The following TAB2 variants were observed in gnomAD, a reference collection of about 807,000 sequenced individuals.
TAB2 encodes the protein TGF-beta activated kinase 1 (MAP3K7) binding protein 2.
Under a neutral mutation model 65.0 loss-of-function variants are expected in TAB2, and 3 were observed. The observed-to-expected ratio is 0.05, with a 90% CI of 0.02 to 0.12. The LOEUF is 0.12. TAB2 is among the 10% of genes least tolerant of loss of function. The pLI is 1.00. For missense variants in TAB2, 623 were observed against 840.3 expected (o/e 0.74, Z 3.20); for synonymous variants, 298 against 285.1 (o/e 1.05, Z -0.46).
intron 1 of TAB2, among the ~76,000 whole-genome samples, chr6:149,306,375 CTAAAAAATA>C (rs368971618): frequency 0.032 from 4,789 of 151,952 alleles, 242 homozygotes; most frequent in African/African-American, 0.11. Context: ...CCCGTCTCCA[CTAAAAAATA>C]TAAAAAATAT....
At position 149,384,504 on chromosome 6, in the gene TAB2, G is replaced by A. The variant is rs553222144; in HGVS notation, c.1603+4986G>A. The stretch of plus-strand genomic sequence containing the variant: ...TCCTTAAGGTACTACAGGAATCAGA[G>A]ACAAAAGTGGAAAGAACAAATTAAG... On this transcript the variant is annotated intron_variant, in intron 3 of 6. Transcript: ENST00000637181. Among the ~76,000 whole-genome samples, 9 of 152,212 alleles carry A rather than the reference G, an allele frequency of 5.9e-5. No homozygotes were observed. In the South Asian group the frequency reaches 1.9e-3, roughly 32 times the overall value.
chr6:149,268,990 G>C (rs1778314004), intron 1 of TAB2, among the ~76,000 whole-genome samples: 1 of 152,166 alleles, frequency 6.6e-6, no homozygotes, highest in Non-Finnish European at 1.5e-5. Context: ...CAAAGTACAA[G>C]GGGCTCCTGC....
chr6:149,273,750 T>A (rs955189736), intron 1 of TAB2, among the ~76,000 whole-genome samples: 70 of 152,122 alleles, frequency 4.6e-4, no homozygotes, highest in Admixed American at 2.0e-4. Context: ...TTGTCTCTGG[T>A]CCCTCAGAAT....
chr6:149,246,138 C>G (rs188825811), intron 1 of TAB2: 1 of 152,292 alleles, frequency 6.6e-6, no homozygotes, highest in East Asian at 1.9e-4. Context: ...AGGATGGTCT[C>G]GATCTCTTGA....
intron 1 of TAB2, among the ~76,000 whole-genome samples, chr6:149,272,315 C>G (rs933408949): frequency 2.0e-5 from 3 of 152,148 alleles, no homozygotes; most frequent in African/African-American, 7.2e-5. Flanking sequence ...TTAGCACAAA[C>G]GTAGGGACTT....
upstream of TAB2, among the ~76,000 whole-genome samples, chr6:149,313,957 C>T (rs1171752121): frequency 6.6e-6 from 1 of 152,166 alleles, no homozygotes; most frequent in Non-Finnish European, 1.5e-5. Flanking sequence ...TTCCATCTTA[C>T]TATTAACCAG....
intron 6 of TAB2, among the ~76,000 whole-genome samples, chr6:149,406,592 AAAAG>A (rs1421587130): frequency 3.3e-5 from 5 of 152,354 alleles, no homozygotes; most frequent in East Asian, 1.9e-4. Flanking sequence ...CAGGAAAAGA[AAAAG>A]AAATGGGAAC....
chr6:149,368,996 T>C (rs1352430884), intron 1 of TAB2, among the ~76,000 whole-genome samples: 3 of 152,112 alleles, frequency 2.0e-5, no homozygotes, highest in African/African-American at 7.2e-5. Context: ...TAGACCTGTA[T>C]TTTTAGGCTT....
intron 1 of TAB2, among the ~76,000 whole-genome samples, chr6:149,237,737 G>A (rs1777521929): frequency 6.6e-6 from 1 of 152,170 alleles, no homozygotes; most frequent in Non-Finnish European, 1.5e-5. Flanking sequence ...ACTTTTGACA[G>A]CCAGTCCCCT....
At chr6:149,233,274 C>T (rs375541434) in intron 1 of TAB2, among the ~76,000 whole-genome samples, 4 of 152,128 alleles carry the variant, frequency 2.6e-5, no homozygotes, top group Non-Finnish European at 4.4e-5. Flanking sequence ...ATCCAGGGTC[C>T]GAGACAAACC....
chr6:149,384,219 T>TA, intron 3 of TAB2, among the ~76,000 whole-genome samples: 1 of 152,322 alleles, frequency 6.6e-6, no homozygotes, highest in East Asian at 1.9e-4. Context: ...GAAGGGAACA[T>TA]ACGTACATAC....
At chr6:149,224,546 T>C (rs1777225771) in intron 1 of TAB2, among the ~76,000 whole-genome samples, 1 of 152,188 alleles carries the variant, frequency 6.6e-6, no homozygotes, top group Non-Finnish European at 1.5e-5. Flanking sequence ...TGGTTTAGTA[T>C]AACTTGTGGC....
chr6:149,327,126 C>A (rs1779643592), intron 1 of TAB2, among the ~76,000 whole-genome samples: 1 of 152,110 alleles, frequency 6.6e-6, no homozygotes, highest in African/African-American at 2.4e-5. Flanking sequence ...ATATTTGCTT[C>A]CACATTCTTG....
At chr6:149,337,347 A>G (rs980320622) in intron 1 of TAB2, among the ~76,000 whole-genome samples, 11 of 152,194 alleles carry the variant, frequency 7.2e-5, no homozygotes, top group Non-Finnish European at 1.2e-4. Flanking sequence ...TATTTTATGC[A>G]TTTAAAACCA....
chr6:149,237,351 A>G (rs1279671084), intron 1 of TAB2, among the ~76,000 whole-genome samples: 1 of 152,110 alleles, frequency 6.6e-6, no homozygotes, highest in Non-Finnish European at 1.5e-5. Flanking sequence ...CTCCTGAAGG[A>G]CTTTCACATC....
chr6:149,351,108 A>G (rs930189507), intron 1 of TAB2, among the ~76,000 whole-genome samples: 4 of 150,550 alleles, frequency 2.7e-5, no homozygotes, highest in African/African-American at 9.7e-5. Flanking sequence ...CTATGCTTCA[A>G]TACTTTCCCA....
At chr6:149,379,887 T>C (rs1434936942) in intron 3 of TAB2, 2 of 452,758 alleles carry the variant, frequency 4.4e-6, no homozygotes, top group Non-Finnish European at 8.9e-6. Context: ...AATAAGCAAC[T>C]AGTTGACTCT....
intron 6 of TAB2, among the ~76,000 whole-genome samples, chr6:149,402,133 AAGAAAT>A (rs1170798354): frequency 2.0e-5 from 3 of 152,052 alleles, no homozygotes; most frequent in Non-Finnish European, 1.5e-5. Context: ...ACAACAGAAA[AAGAAAT>A]AGTAAAACTA....
intron 6 of TAB2, among the ~76,000 whole-genome samples, chr6:149,407,093 A>G (rs1377785016): frequency 6.6e-6 from 1 of 152,226 alleles, no homozygotes; most frequent in East Asian, 1.9e-4. Flanking sequence ...TAGCTGGAAT[A>G]CAATGAAAAG....
Sources: gnomAD v4.1 joint callset for allele counts (sites outside exome capture counted in the v4.1 genomes callset) on GRCh38, gnomAD v4.1.1 for gene constraint, MANE v1.5 for transcripts, NCBI Gene and HGNC (gene_info 2026-07-23, HGNC 2026-07-21) for gene names.